The following TNFSF4 variants were observed in gnomAD, a reference collection of about 807,000 sequenced individuals.
TNFSF4 encodes tumor necrosis factor ligand superfamily member 4.
In TNFSF4, 4 loss-of-function variants were observed where a neutral mutation model predicts 7.3. That is an observed-to-expected ratio of 0.55 (90% CI 0.27 to 1.25). TNFSF4 has a LOEUF of 1.25. TNFSF4 is among the 50% of genes most tolerant of loss of function. TNFSF4 has a pLI of 0.12. For synonymous variants in TNFSF4, 76 were observed against 83.7 expected, an observed-to-expected ratio of 0.91 and a Z score of 0.50; for missense variants, 181 against 208.8, an observed-to-expected ratio of 0.87 and a Z score of 0.82.
Position 173,198,592 on chromosome 1 carries a change from C to A in TNFSF4, c.153+8432G>T, listed in dbSNP as rs190503570. ...CGAGATCGTGCCACTGCACTCCAGCCTGGGTGACAGAGCAAGACTCCATCT... is the reference window on the plus strand; with the variant it reads ...CGAGATCGTGCCACTGCACTCCAGCATGGGTGACAGAGCAAGACTCCATCT... On this transcript the variant is annotated intron_variant, in intron 1 of 2. Transcript: ENST00000281834. Among the ~76,000 whole-genome samples, 488 of 152,296 alleles carry A rather than the reference C, an allele frequency of 3.2e-3. 2 individuals are homozygous for A. The highest frequency in any genetic ancestry group is 5.1e-3 in the Non-Finnish European group (345 of 68,016).
At chr1:173,331,015 G>C in the TNFSF4 span, among the ~76,000 whole-genome samples, 2 of 151,542 alleles carry the variant, frequency 1.3e-5, no homozygotes, top group Non-Finnish European at 2.9e-5. Flanking sequence ...CTCCTGAGTA[G>C]CTGGGATTAC....
At chr1:173,178,014 TA>T in the TNFSF4 span, among the ~76,000 whole-genome samples, 1 of 152,210 alleles carries the variant, frequency 6.6e-6, no homozygotes, top group Non-Finnish European at 1.5e-5. Context: ...TTAATATCAT[TA>T]GTAAGAACAG....
the TNFSF4 span, among the ~76,000 whole-genome samples, chr1:173,425,139 TG>T: frequency 0.61 from 92,317 of 151,974 alleles, 29,799 homozygotes; most frequent in South Asian, 0.78. Flanking sequence ...AAAAGTTCCC[TG>T]TGGATTTGAT....
the TNFSF4 span, among the ~76,000 whole-genome samples, chr1:173,331,550 C>T: frequency 3.9e-5 from 6 of 152,198 alleles, no homozygotes; most frequent in African/African-American, 1.4e-4. Context: ...TAAGAGCCAA[C>T]ACATGAAAAG....
chr1:173,265,976 T>C, the TNFSF4 span, among the ~76,000 whole-genome samples: 1 of 152,204 alleles, frequency 6.6e-6, no homozygotes, highest in Non-Finnish European at 1.5e-5. Context: ...TATGGAGTGA[T>C]ATATAAGTGC....
At chr1:173,311,178 A>G in the TNFSF4 span, among the ~76,000 whole-genome samples, 10 of 151,522 alleles carry the variant, frequency 6.6e-5, no homozygotes, top group Middle Eastern at 0.02. Flanking sequence ...GTGTTCTTTT[A>G]TTGCTCCTTT....
At chr1:173,403,397 T>C in the TNFSF4 span, among the ~76,000 whole-genome samples, 1 of 152,172 alleles carries the variant, frequency 6.6e-6, no homozygotes, top group Non-Finnish European at 1.5e-5. Flanking sequence ...CTTTGCAACA[T>C]AAAGGAGTTC....
At chr1:173,390,887 A>G in the TNFSF4 span, among the ~76,000 whole-genome samples, 1 of 151,790 alleles carries the variant, frequency 6.6e-6, no homozygotes, top group African/African-American at 2.4e-5. Context: ...CTGGAATTAC[A>G]GGTGCCTGCC....
chr1:173,324,014 C>A, the TNFSF4 span, among the ~76,000 whole-genome samples: 2 of 152,080 alleles, frequency 1.3e-5, no homozygotes, highest in Non-Finnish European at 2.9e-5. Flanking sequence ...ACATAGAACG[C>A]CACAAAGATA....
At chr1:173,444,012 A>G in the TNFSF4 span, among the ~76,000 whole-genome samples, 1 of 152,200 alleles carries the variant, frequency 6.6e-6, no homozygotes, top group Non-Finnish European at 1.5e-5. Context: ...GAACAGGGTG[A>G]GCTCTTTGGG....
At chr1:173,267,913 A>AAGGAAG in the TNFSF4 span, among the ~76,000 whole-genome samples, 3 of 151,244 alleles carry the variant, frequency 2.0e-5, no homozygotes, top group Non-Finnish European at 4.4e-5. Context: ...GAGGAAAGAG[A>AAGGAAG]AGGAGAGGAA....
At chr1:173,422,795 C>T in the TNFSF4 span, among the ~76,000 whole-genome samples, 4 of 152,182 alleles carry the variant, frequency 2.6e-5, no homozygotes, top group Admixed American at 2.0e-4. Flanking sequence ...ACGGAACACC[C>T]ATATGTGGGC....
chr1:173,194,739 A>T (rs954609098), intron 1 of TNFSF4, among the ~76,000 whole-genome samples: 33 of 151,652 alleles, frequency 2.2e-4, no homozygotes, highest in African/African-American at 3.4e-4. Flanking sequence ...AAAAAATAAT[A>T]AAAAAAATAG....
chr1:173,212,548 G>T, the TNFSF4 span, among the ~76,000 whole-genome samples: 36 of 151,058 alleles, frequency 2.4e-4, no homozygotes, highest in African/African-American at 8.5e-4. Context: ...TCACGGGGAG[G>T]AGGGAGGAGG....
the TNFSF4 span, among the ~76,000 whole-genome samples, chr1:173,319,345 G>A: frequency 6.6e-6 from 1 of 152,172 alleles, no homozygotes; most frequent in Non-Finnish European, 1.5e-5. Context: ...CCCAGTCAGG[G>A]GCTTACAGAT....
the TNFSF4 span, among the ~76,000 whole-genome samples, chr1:173,399,075 AC>A: frequency 6.6e-6 from 1 of 152,170 alleles, no homozygotes; most frequent in Non-Finnish European, 1.5e-5. Context: ...GTGTTATCTG[AC>A]CCACCAAGCC....
At chr1:173,391,987 A>T in the TNFSF4 span, among the ~76,000 whole-genome samples, 3 of 152,358 alleles carry the variant, frequency 2.0e-5, no homozygotes, top group East Asian at 5.8e-4. Context: ...TATCTGAAAA[A>T]TATCCTTAAA....
At chr1:173,229,218 A>C in the TNFSF4 span, among the ~76,000 whole-genome samples, 1 of 152,262 alleles carries the variant, frequency 6.6e-6, no homozygotes, top group South Asian at 2.1e-4. Flanking sequence ...AGCCCATCAG[A>C]CTAACAGCGG....
the TNFSF4 span, among the ~76,000 whole-genome samples, chr1:173,307,982 C>G: frequency 6.6e-6 from 1 of 151,826 alleles, no homozygotes; most frequent in Non-Finnish European, 1.5e-5. Context: ...GGTGGAGCAC[C>G]TGGTCAGTGT....
Sources: allele counts gnomAD v4.1 joint callset (sites outside exome capture counted in the v4.1 genomes callset), GRCh38; gene constraint gnomAD v4.1.1; transcripts MANE v1.5; gene names NCBI Gene and HGNC (gene_info 2026-07-23, HGNC 2026-07-21).